The following LRP2 variants were observed in gnomAD, a reference collection of about 807,000 sequenced individuals.
LRP2 encodes the protein LDL receptor related protein 2, also known as low-density lipoprotein receptor-related protein 2.
LRP2 carries 172 observed loss-of-function variants against 531.0 expected under a neutral mutation model. The ratio of observed to expected loss-of-function variants is 0.32; its 90% CI spans 0.29 to 0.37. LRP2 has a LOEUF of 0.37. Ranked by LOEUF, LRP2 falls within the 10% of genes least tolerant of loss-of-function variation. The probability of loss-of-function intolerance (pLI) is 1.00; values close to 1 mark genes in which losing one functional copy is unlikely to be tolerated. For synonymous variants in LRP2, 1,992 were observed against 2,027.6 expected (o/e 0.98, Z 0.47); for missense variants, 5,167 against 5,868.3 (o/e 0.88, Z 3.90).
At chr2:169,239,941 G>C (rs1321486795) in intron 25 of LRP2, among the ~76,000 whole-genome samples, 166 bp from the exon 26 acceptor site, 1 of 152,128 alleles carries the variant, frequency 6.6e-6, no homozygotes, top group South Asian at 2.1e-4. Flanking sequence ...GGCTGTTCAG[G>C]GTTTGCTCTA....
chr2:169,208,511 C>T (rs1688477762), intron 38 of LRP2, among the ~76,000 whole-genome samples: 1 of 152,086 alleles, frequency 6.6e-6, no homozygotes, highest in East Asian at 1.9e-4. Flanking sequence ...GGCTTGATGG[C>T]AGTGGCTTAA....
chr2:169,132,497 G>T (rs146744326), intron 77 of LRP2, 77 bp downstream of exon 77: 89 of 817,818 alleles, frequency 1.1e-4, no homozygotes, highest in African/African-American at 6.9e-4. Flanking sequence ...TCCCTTGTTT[G>T]CTTAAGGTTA....
chr2:169,212,544 A>G (rs895846556), intron 36 of LRP2, among the ~76,000 whole-genome samples: 1 of 152,328 alleles, frequency 6.6e-6, no homozygotes, highest in East Asian at 1.9e-4. Flanking sequence ...GTTCAGTTAC[A>G]TGATCAATAA....
rs1689938007 is a variant in LRP2 at position 169,244,693 on chromosome 2, T to C, written c.3430A>G (p.Asn1144Asp). 1 of 1,614,242 alleles carries C rather than the reference T, an allele frequency of 6.2e-7. No individual in the cohort carries two copies. Residue 1144 changes from asparagine (N) to aspartate (D), a missense_variant and splice_region_variant, in exon 22 of 79, where the codon AAT becomes GAT. By Grantham distance (23) the Asn-to-Asp change is conservative. Coordinates refer to ENST00000649046, the MANE Select transcript of LRP2 (RefSeq NM_004525.3). The part of the protein sequence containing the change: ...CGDGSDEKNC[N>D]STETCQPSQF... ...CAAGGGAAACCAGCTCAAAACTTAC[T>C]GCAGTTCTTTTCATCAGATCCATCC... is the stretch of plus-strand genomic sequence containing the variant.
chr2:169,244,577 G>A (rs1689932515), intron 22 of LRP2, 116 bp downstream of exon 22: 1 of 1,344,386 alleles, frequency 7.4e-7, no homozygotes, highest in Admixed American at 1.7e-5. Flanking sequence ...TGGAATAGAA[G>A]TACTAAAGAG....
chr2:169,331,488 A>T (rs1685266647), intron 1 of LRP2, among the ~76,000 whole-genome samples: 1 of 151,934 alleles, frequency 6.6e-6, no homozygotes, highest in South Asian at 2.1e-4. Flanking sequence ...CTATCAGCTA[A>T]GTCACTGAGG....
intron 17 of LRP2, among the ~76,000 whole-genome samples, chr2:169,257,666 A>G (rs945306487): frequency 6.6e-6 from 1 of 152,120 alleles, no homozygotes. Flanking sequence ...TCCTCTAGTC[A>G]TTCTTCCATA....
At chr2:169,152,039 A>G (rs1341300190) in intron 67 of LRP2, among the ~76,000 whole-genome samples, 5 of 152,178 alleles carry the variant, frequency 3.3e-5, no homozygotes, top group Non-Finnish European at 7.4e-5. Context: ...TTATTGGTTC[A>G]TTTTCAAGGA....
chr2:169,168,748 T>C, intron 60 of LRP2, 72 bp from the exon 61 acceptor site: 1 of 1,540,262 alleles, frequency 6.5e-7, no homozygotes, highest in Non-Finnish European at 8.9e-7. Flanking sequence ...TCCTGCTATT[T>C]CTCCTTTGGC....
chr2:169,355,354 C>T (rs1186798448), intron 1 of LRP2, among the ~76,000 whole-genome samples: 1 of 152,158 alleles, frequency 6.6e-6, no homozygotes, highest in Non-Finnish European at 1.5e-5. Context: ...AAAATAACAT[C>T]GTCAGTCAAT....
rs886055082 is a variant in LRP2 at position 169,193,860 on chromosome 2, A to T, written c.8731T>A (p.Phe2911Ile). 1 of 1,614,146 alleles carries T rather than the reference A, an allele frequency of 6.2e-7. No homozygotes were observed. Among genetic ancestry groups the T allele is most frequent in the Admixed American group, 1.7e-5 (1 of 60,034 alleles). ...ATGCACCTCCCACCATCACACTTGAACTCATCAGCTAGGCATGTTCGCTCA... is the reference window on the plus strand; with the variant it reads ...ATGCACCTCCCACCATCACACTTGATCTCATCAGCTAGGCATGTTCGCTCA... The part of the protein sequence containing the change: ...HSERTCLADE[F>I]KCDGGRCIPS... Residue 2911 changes from phenylalanine to isoleucine, a missense_variant, in exon 47 of 79, where the codon TTC (phenylalanine) becomes ATC (isoleucine). This residue lies in a region of LRP2 where 1,129 missense variants were observed against 1,362.7 expected (regional missense o/e 0.83). Coordinates refer to ENST00000649046, the MANE Select transcript of LRP2 (RefSeq NM_004525.3).
At chr2:169,235,422 A>G (rs886286799) in intron 29 of LRP2, among the ~76,000 whole-genome samples, 1 of 151,932 alleles carries the variant, frequency 6.6e-6, no homozygotes, top group Non-Finnish European at 1.5e-5. Context: ...TGTTTTTAGT[A>G]GAGATGAGGT....
Position 169,150,994 on chromosome 2 carries a change from C to T in LRP2, c.12494G>A (p.Arg4165His), listed in dbSNP as rs201763999. ...HIYWSDVKNK[R>H]IEVAKLDGRY... Reference sequence around the variant, plus strand: ...TCCATCAAGTTTAGCCACCTCAATGCGTTTATTCTTGACATCTGACCAGTA... The same window carrying T: ...TCCATCAAGTTTAGCCACCTCAATGTGTTTATTCTTGACATCTGACCAGTA... The change falls in exon 68 of 79, where the codon CGC becomes CAC. Residue 4165 changes from arginine to histidine, a missense_variant. By Grantham distance (29) the Arg-to-His change is conservative. Around this residue, in one of 6 missense-constraint regions of LRP2, gnomAD observed 564 missense variants for 747.7 expected, o/e 0.75. Transcript: ENST00000649046. The T allele has an allele frequency of 1.7e-5, 27 of 1,614,004 alleles. No individual in the cohort carries two copies. The Admixed American group carries it at 2.2e-4, about 13-fold the overall frequency.
chr2:169,231,864 G>T lies in LRP2; in HGVS notation c.5099-22C>A, dbSNP rs546079198. Reference sequence around the variant, plus strand: ...ACGGCTGCATGAGAAAGAGAAGAAAGCACCAGTAAGTGGAAAACCTCCACA... The same window carrying T: ...ACGGCTGCATGAGAAAGAGAAGAAATCACCAGTAAGTGGAAAACCTCCACA... On this transcript the variant is annotated intron_variant, in intron 30 of 78. Coordinates refer to ENST00000649046, the MANE Select transcript of LRP2 (RefSeq NM_004525.3). 176 of 1,613,080 alleles carry T rather than the reference G, an allele frequency of 1.1e-4. 1 individual carries two copies. In the South Asian group the frequency reaches 1.8e-3, roughly 16 times the overall value.
chr2:169,210,104 G>A (rs1298481610), intron 37 of LRP2, among the ~76,000 whole-genome samples: 1 of 152,172 alleles, frequency 6.6e-6, no homozygotes, highest in Non-Finnish European at 1.5e-5. Context: ...GACACGAAGA[G>A]CTTTCCTTTA....
chr2:169,262,188 A>G (rs1479616003), intron 16 of LRP2, among the ~76,000 whole-genome samples: 2 of 148,294 alleles, frequency 1.3e-5, no homozygotes, highest in Admixed American at 6.7e-5. Flanking sequence ...CTGGCACAAG[A>G]CAGGGATGCC....
chr2:169,226,730 C>G (rs1323993293), intron 31 of LRP2, 142 bp from the exon 32 acceptor site: 2 of 720,108 alleles, frequency 2.8e-6, no homozygotes, highest in Non-Finnish European at 4.9e-6. Flanking sequence ...TGTACTTCAT[C>G]AGACAAGCAT....
At chr2:169,229,225 T>G (rs538055551) in intron 31 of LRP2, among the ~76,000 whole-genome samples, 1 of 152,298 alleles carries the variant, frequency 6.6e-6, no homozygotes, top group East Asian at 1.9e-4. Flanking sequence ...GGTCAGTGTG[T>G]CTCTGTCTTT....
At chr2:169,327,986 G>T (rs1685150904) in intron 1 of LRP2, among the ~76,000 whole-genome samples, 1 of 112,886 alleles carries the variant, frequency 8.9e-6, no homozygotes, top group African/African-American at 3.2e-5. Context: ...GGAGGTGGGG[G>T]GGTTAGCCCC....
Sources: allele counts gnomAD v4.1 joint callset (sites outside exome capture counted in the v4.1 genomes callset), GRCh38; gene constraint gnomAD v4.1.1; regional missense constraint gnomAD v4.1.1; transcripts MANE v1.5; gene names NCBI Gene and HGNC (gene_info 2026-07-23, HGNC 2026-07-21).